Variants in R3HDM2 observed in about 807,000 individuals in gnomAD.
R3HDM2 encodes the protein R3H domain containing 2, also known as R3H domain-containing protein 2.
A neutral mutation model predicts 124.5 loss-of-function variants in R3HDM2; 38 were observed. The observed-to-expected ratio is 0.31, with a 90% CI of 0.24 to 0.40. R3HDM2 has a LOEUF of 0.40. Ranked by LOEUF, R3HDM2 falls within the 10% of genes least tolerant of loss-of-function variation. The pLI is 1.00. For synonymous variants in R3HDM2, 391 were observed against 448.0 expected, an observed-to-expected ratio of 0.87 and a Z score of 1.61; for missense variants, 869 against 1,236.9, an observed-to-expected ratio of 0.70 and a Z score of 4.46.
chr12:57,281,813 T>C (rs1020662822), intron 13 of R3HDM2, among the ~76,000 whole-genome samples: 13 of 152,158 alleles, frequency 8.5e-5, no homozygotes, highest in Non-Finnish European at 1.8e-4. Flanking sequence ...TGATGGGAGA[T>C]AGACATCCAC....
intron 21 of R3HDM2, among the ~76,000 whole-genome samples, chr12:57,256,816 A>C (rs1045089976): frequency 2.0e-5 from 3 of 147,290 alleles, no homozygotes; most frequent in African/African-American, 2.5e-5. Flanking sequence ...AATGTCTTTT[A>C]TCTCTCTTTT....
intron 2 of R3HDM2, among the ~76,000 whole-genome samples, chr12:57,360,006 AATATATATATATATATACACACATAT>A (rs1831191180): frequency 1.7e-5 from 2 of 117,690 alleles, no homozygotes. Flanking sequence ...TAAATAAATA[AATATATATATATATATACACACATAT>A]ATATATATAT....
At chr12:57,306,746 G>A (rs987875662) in intron 3 of R3HDM2, among the ~76,000 whole-genome samples, 4 of 152,064 alleles carry the variant, frequency 2.6e-5, no homozygotes, top group South Asian at 2.1e-4. Flanking sequence ...TGGGCGGGGC[G>A]GCTCACGCCT....
At chr12:57,273,424 C>G (rs2044014143) in intron 14 of R3HDM2, among the ~76,000 whole-genome samples, 1 of 152,110 alleles carries the variant, frequency 6.6e-6, no homozygotes, top group South Asian at 2.1e-4. Flanking sequence ...CATCAGTTCT[C>G]CAGTCATAGT....
Position 57,300,175 on chromosome 12 carries a change from A to C in R3HDM2, c.214T>G (p.Ser72Ala). 1 of 1,551,334 alleles carries C rather than the reference A, an allele frequency of 6.4e-7. No individual in the cohort carries two copies. The highest frequency in any genetic ancestry group is 8.7e-7 in the Non-Finnish European group (1 of 1,146,740). The change falls in exon 5 of 24, where the codon TCC (serine) becomes GCC (alanine). Residue 72 changes from serine (S) to alanine (A), a missense_variant. Around this residue, in one of 2 missense-constraint regions of R3HDM2, gnomAD observed 267 missense variants for 447.7 expected, o/e 0.60. Transcript: ENST00000402412. ...GHARKRAKSN[S>A]KLKLVRSLAV... ...AGGCTACGCACCAACTTTAGCTTGG[A>C]ATTAGACTGAAAAAAACAAAAAACA...
chr12:57,317,983 C>A (rs1318404875), intron 2 of R3HDM2, among the ~76,000 whole-genome samples: 30 of 53,154 alleles, frequency 5.6e-4, no homozygotes, highest in African/African-American at 1.4e-3. Flanking sequence ...CCGTCCCCGC[C>A]CCCCCAAAAA....
chr12:57,365,172 G>A (rs1453900642), intron 2 of R3HDM2, among the ~76,000 whole-genome samples: 1 of 150,872 alleles, frequency 6.6e-6, no homozygotes, highest in Non-Finnish European at 1.5e-5. Context: ...GCTGAGACAG[G>A]AGAATCGCTT....
At chr12:57,302,667 C>CAAAAA (rs756266164) in intron 4 of R3HDM2, among the ~76,000 whole-genome samples, 3 of 39,794 alleles carry the variant, frequency 7.5e-5, no homozygotes, top group Non-Finnish European at 1.1e-4. Flanking sequence ...AATTCCGTCT[C>CAAAAA]AAAAAAAAAA....
intron 14 of R3HDM2, among the ~76,000 whole-genome samples, chr12:57,276,282 C>T (rs1476672447): frequency 6.6e-6 from 1 of 151,144 alleles, no homozygotes; most frequent in Non-Finnish European, 1.5e-5. Flanking sequence ...GGGTATCTAC[C>T]CAGAGGAAAA....
chr12:57,375,558 A>G (rs927714429), intron 2 of R3HDM2, among the ~76,000 whole-genome samples: 1 of 152,188 alleles, frequency 6.6e-6, no homozygotes, highest in African/African-American at 2.4e-5. Flanking sequence ...CGTTTTTTCA[A>G]TTCTTAAATT....
chr12:57,295,422 T>C lies in R3HDM2; in HGVS notation c.787A>G (p.Ser263Gly). Residue 263 changes from serine (S) to glycine (G), a missense_variant, in exon 10 of 24, where the codon AGT becomes GGT. Around this residue, in one of 2 missense-constraint regions of R3HDM2, gnomAD observed 267 missense variants for 447.7 expected, o/e 0.60. Coordinates refer to ENST00000402412, the MANE Select transcript of R3HDM2 (RefSeq NM_001394031.1). ...QRFILKRDDA[S>G]MDRDDNQIRV... ...ACCTGGTTATCATCTCGGTCCATAC[T>C]GGCATCATCTCTCTTGAGAATGAAC... is the stretch of plus-strand genomic sequence containing the variant. 1 of 1,551,476 alleles carries C rather than the reference T, an allele frequency of 6.4e-7. No individual in the cohort carries two copies. The highest frequency in any genetic ancestry group is 1.2e-5 in the South Asian group (1 of 84,062).
At chr12:57,342,218 A>G (rs1329350643) in intron 2 of R3HDM2, among the ~76,000 whole-genome samples, 1 of 152,188 alleles carries the variant, frequency 6.6e-6, no homozygotes, top group Non-Finnish European at 1.5e-5. Flanking sequence ...TTATTAATGG[A>G]GACTTCATTG....
At chr12:57,267,614 C>T (rs1276405124) in intron 18 of R3HDM2, among the ~76,000 whole-genome samples, 2 of 151,946 alleles carry the variant, frequency 1.3e-5, no homozygotes, top group Admixed American at 1.3e-4. Context: ...AAAAAAATAA[C>T]GCCACAAAAC....
intron 19 of R3HDM2, among the ~76,000 whole-genome samples, chr12:57,261,058 T>C (rs2040686390): frequency 6.6e-6 from 1 of 152,170 alleles, no homozygotes; most frequent in African/African-American, 2.4e-5. Context: ...TTCATGGGCA[T>C]AGGTTGTAGT....
chr12:57,260,398 C>T (rs1254630297), intron 19 of R3HDM2, among the ~76,000 whole-genome samples: 1 of 151,574 alleles, frequency 6.6e-6, no homozygotes, highest in African/African-American at 2.4e-5. Context: ...TGACTGAATG[C>T]GACTTTGAGG....
chr12:57,264,893 TC>T (rs1212524764), intron 19 of R3HDM2, among the ~76,000 whole-genome samples: 2 of 152,182 alleles, frequency 1.3e-5, no homozygotes, highest in Admixed American at 6.5e-5. Flanking sequence ...TGCCTTGGCC[TC>T]CCAAAGTGCT....
At chr12:57,379,326 A>C (rs955998705) in intron 2 of R3HDM2, among the ~76,000 whole-genome samples, 1 of 152,222 alleles carries the variant, frequency 6.6e-6, no homozygotes, top group Non-Finnish European at 1.5e-5. Flanking sequence ...CATGCCTGTA[A>C]TCCCAGCACT....
chr12:57,305,115 G>A (rs1003361136), intron 3 of R3HDM2, among the ~76,000 whole-genome samples: 3 of 152,170 alleles, frequency 2.0e-5, no homozygotes, highest in Admixed American at 2.0e-4. Flanking sequence ...AACTTGGGAG[G>A]TGGAGGTTGC....
At chr12:57,313,144 T>C (rs1019589280) in intron 2 of R3HDM2, among the ~76,000 whole-genome samples, 1 of 152,186 alleles carries the variant, frequency 6.6e-6, no homozygotes, top group Non-Finnish European at 1.5e-5. Flanking sequence ...ATGTAGTATG[T>C]ATGTATGTAT....
Sources: gnomAD v4.1 joint callset for allele counts (sites outside exome capture counted in the v4.1 genomes callset) on GRCh38, gnomAD v4.1.1 for gene constraint, gnomAD v4.1.1 regional missense constraint, MANE v1.5 for transcripts, NCBI Gene and HGNC (gene_info 2026-07-23, HGNC 2026-07-21) for gene names.